The following DPYSL3 variants were observed in gnomAD, a reference collection of about 807,000 sequenced individuals.
The protein encoded by DPYSL3 is dihydropyrimidinase like 3.
DPYSL3 carries 16 observed loss-of-function variants against 66.1 expected under a neutral mutation model. That is an observed-to-expected ratio of 0.24 (90% CI 0.16 to 0.37). The LOEUF (loss-of-function observed/expected upper bound fraction) is 0.37, where lower values mean the gene tolerates loss of function less well. Ranked by LOEUF, DPYSL3 falls within the 10% of genes least tolerant of loss-of-function variation. The probability of loss-of-function intolerance (pLI) is 1.00; values close to 1 mark genes in which losing one functional copy is unlikely to be tolerated. For synonymous variants in DPYSL3, 338 were observed against 345.1 expected, an observed-to-expected ratio of 0.98 and a Z score of 0.23; for missense variants, 738 against 916.2, an observed-to-expected ratio of 0.81 and a Z score of 2.51.
chr5:147,458,391 A>G (rs1253344028), intron 1 of DPYSL3, among the ~76,000 whole-genome samples: 3 of 152,216 alleles, frequency 2.0e-5, no homozygotes, highest in East Asian at 1.9e-4. Context: ...TAGATGGTCT[A>G]AAAAGGGGAG....
intron 1 of DPYSL3, among the ~76,000 whole-genome samples, chr5:147,465,403 G>A (rs967290266): frequency 1.3e-5 from 2 of 151,966 alleles, no homozygotes; most frequent in Admixed American, 6.6e-5. Flanking sequence ...GGATTCAAGC[G>A]ATTCTCCTGC....
intron 1 of DPYSL3, among the ~76,000 whole-genome samples, chr5:147,491,934 A>T (rs1033416932): frequency 6.6e-6 from 1 of 152,152 alleles, no homozygotes; most frequent in African/African-American, 2.4e-5. Context: ...TAAACTACAG[A>T]TCCAGGAAGC....
intron 1 of DPYSL3, among the ~76,000 whole-genome samples, chr5:147,499,883 C>T (rs906317441): frequency 2.0e-5 from 3 of 152,056 alleles, no homozygotes; most frequent in Non-Finnish European, 2.9e-5. Flanking sequence ...CATAAGTAGA[C>T]CTACATAAAA....
rs55925534 is a variant in DPYSL3 at position 147,439,139 on chromosome 5, T to C, written c.382-14176A>G. ...ATTTGTAAATGCCTCCTGTTCACAGTACTATTGATACAATAGTGAACAAAA... is the reference window on the plus strand; with the variant it reads ...ATTTGTAAATGCCTCCTGTTCACAGCACTATTGATACAATAGTGAACAAAA... On this transcript the variant is annotated intron_variant, in intron 1 of 13. Transcript: ENST00000343218. Among the ~76,000 whole-genome samples the C allele has an allele frequency of 2.9e-3, 446 of 152,340 alleles. 1 individual carries two copies. Among genetic ancestry groups the C allele is most frequent in the Non-Finnish European group, 4.4e-3 (296 of 68,032 alleles).
rs147224404 is a variant in DPYSL3, at chr5:147,392,418, T to C, written c.*1617A>G. 6.6e-6 allele frequency: 1 copy of C among 152,344 alleles called. No homozygotes were observed. The highest frequency in any genetic ancestry group is 2.4e-5 in the African/African-American group (1 of 41,570). 9.4% of individuals were successfully genotyped at this position (152,344 alleles called of 1,614,324 possible). On this transcript the variant is annotated 3_prime_UTR_variant, in exon 14 of 14. Coordinates refer to ENST00000343218, the MANE Select transcript of DPYSL3 (RefSeq NM_001197294.2). ...TATTCAAACCTGCAGTCAGAGACAA[T>C]GGTTTCTCCTAAGCAATTAAAAGGT...
intron 1 of DPYSL3, among the ~76,000 whole-genome samples, chr5:147,463,955 AG>A (rs1285193937): frequency 1.3e-5 from 2 of 152,062 alleles, no homozygotes; most frequent in Non-Finnish European, 2.9e-5. Context: ...CCACTATTTG[AG>A]GGCTTAAGGA....
rs564329684 is a variant in DPYSL3 at position 147,477,782 on chromosome 5, C to T, written c.381+31696G>A. ...TATTTTTAGTAGAGACGGGGTTTCA[C>T]CTTGTTAGCCAGGATGGTCTCGATC... is the stretch of plus-strand genomic sequence containing the variant. On this transcript the variant is annotated intron_variant, in intron 1 of 13. Transcript: ENST00000343218. 6.8e-4 allele frequency among the ~76,000 whole-genome samples: 103 copies of T among 150,910 alleles called. 1 individual carries two copies. Among genetic ancestry groups the T allele is most frequent in the African/African-American group, 2.4e-3 (100 of 41,142 alleles).
intron 2 of DPYSL3, 68 bp from the exon 3 acceptor site, chr5:147,418,699 A>T: frequency 7.2e-7 from 1 of 1,386,290 alleles, no homozygotes; most frequent in Non-Finnish European, 9.9e-7. Flanking sequence ...TTCCAAGACA[A>T]ATATAGTGGT....
intron 1 of DPYSL3, among the ~76,000 whole-genome samples, chr5:147,466,922 A>C (rs907154128): frequency 6.6e-6 from 1 of 152,148 alleles, no homozygotes; most frequent in Non-Finnish European, 1.5e-5. Context: ...CGAGCAACTT[A>C]TCCAAGGAGC....
chr5:147,505,200 A>C (rs1208137226), intron 1 of DPYSL3, among the ~76,000 whole-genome samples: 1 of 152,144 alleles, frequency 6.6e-6, no homozygotes, highest in East Asian at 1.9e-4. Context: ...CTATATTAGC[A>C]TCTAGTGATA....
In DPYSL3 at chr5:147,418,458, G is replaced by A; in HGVS notation, c.644C>T (p.Thr215Ile). The A allele has an allele frequency of 6.2e-7, 1 of 1,606,974 alleles. No individual in the cohort carries two copies. The highest frequency in any genetic ancestry group is 8.5e-7 in the Non-Finnish European group (1 of 1,175,834). ...QGTKAALAGG[T>I]TMIIDHVVPE... ...ATATGAAGACTTACTGATCATGGTGGTGCCACCTGCTAAGGCCGCCTTTGT... is the reference window on the plus strand; with the variant it reads ...ATATGAAGACTTACTGATCATGGTGATGCCACCTGCTAAGGCCGCCTTTGT... Residue 215 changes from threonine (T) to isoleucine (I), a missense_variant, in exon 3 of 14, where the codon ACC (threonine) becomes ATC (isoleucine). Coordinates refer to ENST00000343218, the MANE Select transcript of DPYSL3 (RefSeq NM_001197294.2).
At chr5:147,504,321 T>C (rs1753655531) in intron 1 of DPYSL3, among the ~76,000 whole-genome samples, 1 of 152,222 alleles carries the variant, frequency 6.6e-6, no homozygotes, top group South Asian at 2.1e-4. Context: ...AGGCGTATTT[T>C]TTATGTTCCT....
chr5:147,482,694 G>A (rs193008751), intron 1 of DPYSL3, among the ~76,000 whole-genome samples: 7 of 152,286 alleles, frequency 4.6e-5, no homozygotes, highest in Admixed American at 2.6e-4. Context: ...TTGAGCTTAC[G>A]CATAAGATTA....
chr5:147,470,212 T>A (rs1753065964), intron 1 of DPYSL3, among the ~76,000 whole-genome samples: 1 of 152,190 alleles, frequency 6.6e-6, no homozygotes, highest in South Asian at 2.1e-4. Context: ...TCCTTCCTTT[T>A]CTTCCCTTCC....
chr5:147,487,414 C>T (rs914227265), intron 1 of DPYSL3, among the ~76,000 whole-genome samples: 1 of 152,114 alleles, frequency 6.6e-6, no homozygotes, highest in African/African-American at 2.4e-5. Context: ...GCTTAGTTAT[C>T]GTAACTACCT....
intron 1 of DPYSL3, among the ~76,000 whole-genome samples, chr5:147,437,806 T>G (rs559281897): frequency 6.6e-6 from 1 of 152,328 alleles, no homozygotes; most frequent in African/African-American, 2.4e-5. Flanking sequence ...GAGTCCTGAC[T>G]GTAAAGCGAG....
intron 1 of DPYSL3, among the ~76,000 whole-genome samples, chr5:147,465,897 G>C (rs971202281): frequency 6.6e-6 from 1 of 152,082 alleles, no homozygotes; most frequent in East Asian, 1.9e-4. Flanking sequence ...CACAGATGTC[G>C]ATCCAGGAAC....
intron 13 of DPYSL3, 95 bp from the exon 14 acceptor site, chr5:147,394,218 G>T: frequency 7.8e-7 from 1 of 1,290,202 alleles, no homozygotes; most frequent in Non-Finnish European, 1.1e-6. Context: ...TTTTAAGAGT[G>T]CAAGATATGA....
intron 1 of DPYSL3, among the ~76,000 whole-genome samples, chr5:147,471,789 G>A (rs1043082584): frequency 6.6e-6 from 1 of 152,116 alleles, no homozygotes; most frequent in African/African-American, 2.4e-5. Context: ...CTTTAGGATA[G>A]AAACTCTATA....
Sources: gnomAD v4.1 joint callset for allele counts (sites outside exome capture counted in the v4.1 genomes callset) on GRCh38, gnomAD v4.1.1 for gene constraint, MANE v1.5 for transcripts, NCBI Gene and HGNC (gene_info 2026-07-23, HGNC 2026-07-21) for gene names.